The following MAMDC2 variants were observed in gnomAD, a reference collection of about 807,000 sequenced individuals.
MAMDC2 encodes the protein MAM domain containing 2.
A neutral mutation model predicts 89.8 loss-of-function variants in MAMDC2; 57 were observed. That is an observed-to-expected ratio of 0.63 (90% CI 0.51 to 0.79). The LOEUF (loss-of-function observed/expected upper bound fraction) is 0.79, where lower values mean the gene tolerates loss of function less well. MAMDC2 is among the 30% of genes least tolerant of loss of function. The pLI is 0.00. For synonymous variants in MAMDC2, 313 were observed against 293.4 expected (o/e 1.07, Z -0.68); for missense variants, 800 against 820.6 (o/e 0.97, Z 0.31).
chr9:70,095,384 A>G (rs138577695), intron 2 of MAMDC2, among the ~76,000 whole-genome samples: 2 of 152,346 alleles, frequency 1.3e-5, no homozygotes, highest in Non-Finnish European at 2.9e-5. Flanking sequence ...AATCCAGACA[A>G]AAGATAGTTT....
intron 11 of MAMDC2, among the ~76,000 whole-genome samples, chr9:70,207,328 G>A (rs1250540046): frequency 6.6e-6 from 1 of 151,950 alleles, no homozygotes; most frequent in Non-Finnish European, 1.5e-5. Context: ...CATTCTAACT[G>A]GTGTGAGATG....
intron 6 of MAMDC2, among the ~76,000 whole-genome samples, chr9:70,130,794 C>A (rs1461157244): frequency 6.6e-5 from 10 of 151,536 alleles, no homozygotes; most frequent in African/African-American, 2.2e-4. Context: ...CAAAACAAAA[C>A]AAAACAAAAA....
intron 11 of MAMDC2, among the ~76,000 whole-genome samples, chr9:70,205,198 C>A (rs2033199817): frequency 6.6e-6 from 1 of 152,144 alleles, no homozygotes; most frequent in African/African-American, 2.4e-5. Context: ...ATACTTTAAC[C>A]ATTTTAAGTG....
In MAMDC2 at chr9:70,131,547, C is replaced by G. The variant is rs1300029915; in HGVS notation, c.929C>G (p.Pro310Arg). Reference sequence around the variant, plus strand: ...ATTTTTGAAGTTGCTTTCAATGGTCCCAAGGGAGGTTATGTTGCCCTGGAT... The same window carrying G: ...ATTTTTGAAGTTGCTTTCAATGGTCGCAAGGGAGGTTATGTTGCCCTGGAT... ...EVIFEVAFNG[P>R]KGGYVALDDI... is the part of the protein sequence containing the mutation. Residue 310 changes from proline to arginine, a missense_variant, in exon 7 of 14, where the codon CCC (proline) becomes CGC (arginine). By Grantham distance (103) the Pro-to-Arg change is moderately radical. Transcript: ENST00000377182. 1 of 1,608,066 alleles carries G rather than the reference C, an allele frequency of 6.2e-7. No individual in the cohort carries two copies. The highest frequency in any genetic ancestry group is 1.1e-5 in the South Asian group (1 of 89,418).
Position 70,143,712 on chromosome 9 carries a change from T to G in MAMDC2, c.1297T>G (p.Phe433Val). Residue 433 changes from phenylalanine (F) to valine (V), a missense_variant, in exon 9 of 14, where the codon TTT (phenylalanine) becomes GTT (valine). Phe to Val is a conservative substitution (Grantham distance 50). Coordinates refer to ENST00000377182, the MANE Select transcript of MAMDC2 (RefSeq NM_153267.5). ...KMSDTLAVYIFEENHVVQEKI... is the reference protein window; with the variant it reads ...KMSDTLAVYIVEENHVVQEKI... The stretch of plus-strand genomic sequence containing the variant: ...GAGTGACACCCTAGCAGTTTACATC[T>G]TTGAAGAGAACCATGTGGTTCAAGA... The G allele has an allele frequency of 1.2e-6, 2 of 1,614,190 alleles. No homozygotes were observed. The highest frequency in any genetic ancestry group is 2.2e-5 in the East Asian group (1 of 44,882).
intron 8 of MAMDC2, among the ~76,000 whole-genome samples, chr9:70,140,700 A>T (rs926937885): frequency 6.6e-6 from 1 of 152,192 alleles, no homozygotes; most frequent in Non-Finnish European, 1.5e-5. Context: ...GATGAAAATG[A>T]TCTGGAACTA....
intron 2 of MAMDC2, among the ~76,000 whole-genome samples, chr9:70,046,113 G>C (rs749038753): frequency 6.6e-6 from 1 of 152,134 alleles, no homozygotes; most frequent in Non-Finnish European, 1.5e-5. Flanking sequence ...CCTCCAGCAC[G>C]GGGCTTCTCA....
At position 70,109,844 on chromosome 9, in the gene MAMDC2, T is replaced by G. The variant is rs771068562; in HGVS notation, c.505+40T>G. 50 of 1,546,730 alleles carry G rather than the reference T, an allele frequency of 3.2e-5. 1 individual carries two copies. The highest frequency in any genetic ancestry group is 4.0e-5 in the Non-Finnish European group (45 of 1,119,342). On this transcript the variant is annotated intron_variant, in intron 4 of 13. Coordinates refer to ENST00000377182, the MANE Select transcript of MAMDC2 (RefSeq NM_153267.5). ...TTTTCATTAAATCAAATTGTGAATC[T>G]TTTTCTAAAAGTTACTGTTGCCAGA... is the stretch of plus-strand genomic sequence containing the variant.
At chr9:70,154,520 T>G (rs1309973773) in intron 9 of MAMDC2, among the ~76,000 whole-genome samples, 1 of 133,470 alleles carries the variant, frequency 7.5e-6, no homozygotes, top group African/African-American at 2.8e-5. Context: ...GAGTCCGATT[T>G]GGAACAATTT....
At chr9:70,085,127 C>T (rs1055474787) in intron 2 of MAMDC2, among the ~76,000 whole-genome samples, 3 of 152,010 alleles carry the variant, frequency 2.0e-5, no homozygotes, top group Admixed American at 6.6e-5. Context: ...CACAGCAATG[C>T]TAGTCCTAGG....
intron 2 of MAMDC2, among the ~76,000 whole-genome samples, chr9:70,059,920 T>A (rs1246424175): frequency 6.6e-6 from 1 of 152,214 alleles, no homozygotes; most frequent in African/African-American, 2.4e-5. Context: ...TGTCATTTCC[T>A]ATGCATGTCT....
At chr9:70,128,813 C>T (rs150067248) in intron 6 of MAMDC2, among the ~76,000 whole-genome samples, 2,795 of 152,210 alleles carry the variant, frequency 0.018, 80 homozygotes, top group African/African-American at 0.063. Context: ...TGTGCCACCA[C>T]ACCCAGCTAA....
chr9:70,152,920 AT>A (rs2031629532), intron 9 of MAMDC2, among the ~76,000 whole-genome samples: 1 of 152,204 alleles, frequency 6.6e-6, no homozygotes, highest in Non-Finnish European at 1.5e-5. Context: ...CATTTATTAA[AT>A]TTAGCTGAGC....
chr9:70,128,085 G>C (rs1260219065), intron 6 of MAMDC2, among the ~76,000 whole-genome samples: 1 of 152,192 alleles, frequency 6.6e-6, no homozygotes, highest in Non-Finnish European at 1.5e-5. Context: ...CTATTCACTG[G>C]TGTTATTTGC....
chr9:70,195,618 C>G (rs752008031), intron 11 of MAMDC2, among the ~76,000 whole-genome samples: 1 of 152,080 alleles, frequency 6.6e-6, no homozygotes, highest in Non-Finnish European at 1.5e-5. Flanking sequence ...ACCCAGCATG[C>G]GAATCACCCA....
chr9:70,045,619 G>C (rs1281703459), intron 2 of MAMDC2, among the ~76,000 whole-genome samples: 1 of 152,152 alleles, frequency 6.6e-6, no homozygotes, highest in African/African-American at 2.4e-5. Context: ...CGCTCCCTGG[G>C]GGAGGATGGA....
intron 8 of MAMDC2, 90 bp downstream of exon 8, chr9:70,140,378 T>C: frequency 7.2e-7 from 1 of 1,388,846 alleles, no homozygotes; most frequent in Non-Finnish European, 9.6e-7. Context: ...AGACATCGAC[T>C]TAAAGAAAAA....
At chr9:70,125,917 A>G (rs1010887826) in intron 5 of MAMDC2, among the ~76,000 whole-genome samples, 9 of 152,206 alleles carry the variant, frequency 5.9e-5, no homozygotes, top group African/African-American at 2.2e-4. Context: ...AAGTAAGGAA[A>G]GTAAAAGGAA....
At chr9:70,062,120 T>C (rs1008903389) in intron 2 of MAMDC2, among the ~76,000 whole-genome samples, 5 of 152,196 alleles carry the variant, frequency 3.3e-5, no homozygotes, top group Admixed American at 6.5e-5. Context: ...CCATTGGTTG[T>C]CTAAGATTTT....
Sources: allele counts gnomAD v4.1 joint callset (sites outside exome capture counted in the v4.1 genomes callset), GRCh38; gene constraint gnomAD v4.1.1; transcripts MANE v1.5; gene names NCBI Gene and HGNC (gene_info 2026-07-23, HGNC 2026-07-21).